Variants in WDR93 observed in about 807,000 individuals in gnomAD.
WDR93 encodes WD repeat domain 93.
WDR93 carries 73 observed loss-of-function variants against 82.9 expected under a neutral mutation model. The observed-to-expected ratio is 0.88, with a 90% confidence interval of 0.73 to 1.07. The LOEUF is 1.07. Ranked by LOEUF, WDR93 falls within the 50% of genes least tolerant of loss-of-function variation. WDR93 has a pLI of 0.00. For missense variants in WDR93, 738 were observed against 826.0 expected, an observed-to-expected ratio of 0.89 and a Z score of 1.31; for synonymous variants, 283 against 300.1, an observed-to-expected ratio of 0.94 and a Z score of 0.59.
At chr15:89,705,337 G>A (rs1268176362) in intron 3 of WDR93, 1 of 555,826 alleles carries the variant, frequency 1.8e-6, no homozygotes, top group Non-Finnish European at 3.2e-6. Context: ...AGCCAGGGTA[G>A]GTGGAGAGGA....
At chr15:89,710,338 G>A (rs1273717651) in intron 4 of WDR93, among the ~76,000 whole-genome samples, 1 of 152,164 alleles carries the variant, frequency 6.6e-6, no homozygotes, top group African/African-American at 2.4e-5. Context: ...ACACAAAAGA[G>A]TAGGTTCTAA....
At chr15:89,693,212 C>G (rs1032709628) in intron 1 of WDR93, among the ~76,000 whole-genome samples, 2 of 152,148 alleles carry the variant, frequency 1.3e-5, no homozygotes, top group African/African-American at 4.8e-5. Context: ...TTTTAATTTT[C>G]CTACTGTAAT....
chr15:89,697,119 A>G (rs1965217815), intron 1 of WDR93, among the ~76,000 whole-genome samples: 1 of 151,740 alleles, frequency 6.6e-6, no homozygotes, highest in African/African-American at 2.4e-5. Flanking sequence ...CCCCCACCCC[A>G]GTGGTTTTTT....
chr15:89,711,168 T>C (rs971751695), intron 4 of WDR93, among the ~76,000 whole-genome samples: 1 of 152,168 alleles, frequency 6.6e-6, no homozygotes, highest in Non-Finnish European at 1.5e-5. Flanking sequence ...GGAGTGTTCT[T>C]GCCAAAACAT....
rs367989442 is a variant in WDR93, at chr15:89,735,523, C to T, written c.1578C>T (p.Ala526=). 6.8e-5 allele frequency: 110 copies of T among 1,614,114 alleles called. No homozygotes were observed. Among genetic ancestry groups the T allele is most frequent in the South Asian group, 6.3e-4 (57 of 91,072 alleles). Residue 526 remains alanine, a synonymous_variant, in exon 14 of 17, where the codon GCC becomes GCT. Transcript: ENST00000268130. ...PVKHLDKTIC[A]VAPVPALPGM... ...AGCACCTGGATAAAACCATCTGTGC[C>T]GTGGCCCCAGTCCCAGCCTTACCTG... is the stretch of plus-strand genomic sequence containing the variant.
chr15:89,722,988 T>G (rs893977074), intron 8 of WDR93, among the ~76,000 whole-genome samples: 2 of 152,034 alleles, frequency 1.3e-5, no homozygotes, highest in Non-Finnish European at 2.9e-5. Context: ...GCAGATTGCT[T>G]GAGCTCAGGA....
upstream of WDR93, chr15:89,690,661 A>G (rs2141559192): frequency 2.6e-6 from 4 of 1,541,052 alleles, no homozygotes; most frequent in East Asian, 7.3e-5. Context: ...CACGAGTCGC[A>G]CGGGGCTCAG....
chr15:89,732,517 G>C (rs1013441712), intron 12 of WDR93, among the ~76,000 whole-genome samples: 1 of 152,080 alleles, frequency 6.6e-6, no homozygotes, highest in Non-Finnish European at 1.5e-5. Context: ...AGAAGCAAAA[G>C]ATATTTCAAG....
intron 1 of WDR93, among the ~76,000 whole-genome samples, chr15:89,693,724 G>A (rs1447218995): frequency 6.6e-6 from 1 of 152,214 alleles, no homozygotes; most frequent in Non-Finnish European, 1.5e-5. Flanking sequence ...GTGCTATAGA[G>A]AAAGGTGCTT....
intron 6 of WDR93, 151 bp from the exon 7 acceptor site, chr15:89,716,760 G>C (rs1313272819): frequency 3.3e-6 from 2 of 600,030 alleles, no homozygotes; most frequent in Non-Finnish European, 5.9e-6. Context: ...CTGCAGGCCA[G>C]AGGCCCACAC....
intron 8 of WDR93, among the ~76,000 whole-genome samples, chr15:89,725,239 A>C (rs1328269820): frequency 2.6e-5 from 4 of 152,246 alleles, no homozygotes; most frequent in African/African-American, 9.6e-5. Context: ...TCAGTGGGAT[A>C]CTATACAGCA....
intron 12 of WDR93, among the ~76,000 whole-genome samples, chr15:89,732,551 A>G (rs1966872181): frequency 6.6e-6 from 1 of 152,228 alleles, no homozygotes. Flanking sequence ...TGATGATTTC[A>G]TAAGCCCTTG....
At chr15:89,690,889 G>T in intron 1 of WDR93, 32 bp downstream of exon 1, 1 of 468,006 alleles carries the variant, frequency 2.1e-6, no homozygotes, top group East Asian at 3.9e-5. Flanking sequence ...TTTGGATGCC[G>T]GGGCTCCCCT....
chr15:89,705,671 G>A, intron 4 of WDR93, 53 bp downstream of exon 4: 4 of 1,212,186 alleles, frequency 3.3e-6, no homozygotes, highest in Non-Finnish European at 4.9e-6. Flanking sequence ...AGCAAATTAA[G>A]TTTATTTTTA....
At chr15:89,722,829 T>G (rs1233307253) in intron 8 of WDR93, among the ~76,000 whole-genome samples, 1 of 150,012 alleles carries the variant, frequency 6.7e-6, no homozygotes, top group Non-Finnish European at 1.5e-5. Flanking sequence ...TGTTCACCCC[T>G]GGTGGACTAG....
chr15:89,715,093 C>A lies in WDR93; in HGVS notation c.754C>A (p.Leu252Met), dbSNP rs201614814. 2.2e-5 allele frequency: 36 copies of A among 1,613,138 alleles called. 1 individual carries two copies. The Admixed American group carries it at 4.0e-4, about 18-fold the overall frequency. ...AAAGAAAAAAGTCAGACAGCCGCAA[C>A]TGGTAGGAAATATCTCTGCTTTCAG... is the stretch of plus-strand genomic sequence containing the variant. ...NPKKKVRQPQ[L>M]NSLGPISADP... Residue 252 changes from leucine (L) to methionine (M), a missense_variant and splice_region_variant, in exon 6 of 17, where the codon CTG becomes ATG. Coordinates refer to ENST00000268130, the MANE Select transcript of WDR93 (RefSeq NM_020212.2).
At chr15:89,705,843 C>A (rs1294396119) in intron 4 of WDR93, among the ~76,000 whole-genome samples, 3 of 152,124 alleles carry the variant, frequency 2.0e-5, no homozygotes, top group Non-Finnish European at 4.4e-5. Context: ...AGAAAATTAG[C>A]AAAGGAACTC....
chr15:89,714,258 A>G (rs1428521604), intron 5 of WDR93: 1 of 152,256 alleles, frequency 6.6e-6, no homozygotes, highest in Non-Finnish European at 1.5e-5. Flanking sequence ...CACATATACT[A>G]AAACTGGAAC....
At chr15:89,730,312 A>C (rs1808840) in intron 11 of WDR93, among the ~76,000 whole-genome samples, 78,606 of 146,994 alleles carry the variant, frequency 0.53, 21,537 homozygotes, top group South Asian at 0.6. Flanking sequence ...GTGACAGAGC[A>C]AGACTATCTC....
Sources: allele counts gnomAD v4.1 joint callset (sites outside exome capture counted in the v4.1 genomes callset), GRCh38; gene constraint gnomAD v4.1.1; transcripts MANE v1.5; gene names NCBI Gene and HGNC (gene_info 2026-07-23, HGNC 2026-07-21).